The following GUCY2D variants were observed in gnomAD, a reference collection of about 807,000 sequenced individuals.
The protein encoded by GUCY2D is guanylate cyclase 2D, retinal.
In GUCY2D, 70 loss-of-function variants were observed where a neutral mutation model predicts 101.3. The ratio of observed to expected loss-of-function variants is 0.69; its 90% confidence interval spans 0.57 to 0.84. The LOEUF is 0.84. Among genes scored for constraint, GUCY2D ranks in the 40% least tolerant of loss-of-function variants. GUCY2D has a pLI of 0.00. For synonymous variants in GUCY2D, 688 were observed against 670.7 expected, an observed-to-expected ratio of 1.03 and a Z score of -0.40; for missense variants, 1,460 against 1,542.5, an observed-to-expected ratio of 0.95 and a Z score of 0.90.
intron 8 of GUCY2D, among the ~76,000 whole-genome samples, chr17:8,010,127 T>C (rs1038032663): frequency 6.6e-6 from 1 of 152,202 alleles, no homozygotes; most frequent in African/African-American, 2.4e-5. Context: ...CCTCTCTCGC[T>C]GGACTGTAAG....
chr17:8,009,360 C>G, intron 7 of GUCY2D, 146 bp from the exon 8 acceptor site: 1 of 749,784 alleles, frequency 1.3e-6, no homozygotes, highest in Non-Finnish European at 2.4e-6. Flanking sequence ...GGGCATACAT[C>G]AAACCCCTTG....
In GUCY2D at chr17:8,003,439, C is replaced by A. The variant is rs1346829806; in HGVS notation, c.392C>A (p.Ala131Glu). 7.9e-6 allele frequency: 12 copies of A among 1,517,106 alleles called. No individual in the cohort carries two copies. The highest frequency in any genetic ancestry group is 6.0e-5 in the Admixed American group (3 of 49,718). The allele number at this position is 1,517,106 out of a possible 1,614,324, so 94.0% of individuals were successfully genotyped here. A position where few individuals can be genotyped will look rare whatever the true frequency, so the allele number is the denominator to read the frequency against. The change falls in exon 2 of 20, where the codon GCG becomes GAG. Residue 131 changes from alanine (A) to glutamate (E), a missense_variant. By Grantham distance (107) the Ala-to-Glu change is moderately radical. Coordinates refer to ENST00000254854, the MANE Select transcript of GUCY2D (RefSeq NM_000180.4). Reference protein sequence around the residue: ...VSGLVGPVNPAACRPAELLAE... With the variant: ...VSGLVGPVNPEACRPAELLAE... Reference sequence around the variant, plus strand: ...GGCCTCGTGGGTCCGGTGAACCCTGCGGCCTGCCGGCCAGCCGAGCTGCTC... The same window carrying A: ...GGCCTCGTGGGTCCGGTGAACCCTGAGGCCTGCCGGCCAGCCGAGCTGCTC...
At position 8,015,625 on chromosome 17, in the gene GUCY2D, A is replaced by C. The variant is rs564461174; in HGVS notation, c.2945-118A>C. 361 of 1,182,440 alleles carry C rather than the reference A, an allele frequency of 3.1e-4. 1 individual carries two copies. The highest frequency in any genetic ancestry group is 4.1e-4 in the Non-Finnish European group (338 of 817,532). The allele number at this position is 1,182,440 out of a possible 1,614,324, so 73.2% of individuals were successfully genotyped here. A position where few individuals can be genotyped will look rare whatever the true frequency, so the allele number is the denominator to read the frequency against. On this transcript the variant is annotated intron_variant, in intron 15 of 19. Transcript: ENST00000254854. Reference sequence around the variant, plus strand: ...GGCTTACCTTGAAGAGGATGCACTTAACAAGGCTTATTTGGGGGGCTGGTG... The same window carrying C: ...GGCTTACCTTGAAGAGGATGCACTTCACAAGGCTTATTTGGGGGGCTGGTG...
intron 17 of GUCY2D, 91 bp downstream of exon 17, chr17:8,016,112 T>C (rs1345953072): frequency 7.4e-6 from 10 of 1,355,824 alleles, no homozygotes; most frequent in Non-Finnish European, 1.0e-5. Context: ...CAGCTCACCC[T>C]TCTGACCTGG....
At chr17:8,006,134 G>A (rs1350913477) in intron 3 of GUCY2D, among the ~76,000 whole-genome samples, 1 of 152,008 alleles carries the variant, frequency 6.6e-6, no homozygotes, top group Non-Finnish European at 1.5e-5. Context: ...CAGCCAATAG[G>A]AGAGGGAGGA....
chr17:8,016,495 A>C lies in GUCY2D; in HGVS notation c.3277A>C (p.Lys1093Gln). Residue 1093 changes from lysine to glutamine, a missense_variant, in exon 19 of 20, where the codon AAG (lysine) becomes CAG (glutamine). By Grantham distance (53) the Lys-to-Gln change is moderately conservative. Coordinates refer to ENST00000254854, the MANE Select transcript of GUCY2D (RefSeq NM_000180.4). ...LQEIPPERRR[K>Q]LEKARPGQFS ...GGAGATCCCACCCGAGCGGCGACGG[A>C]AGCTGGAGAAGGCGCGGCCGGGCCA... 6.3e-7 allele frequency: 1 copy of C among 1,581,442 alleles called. No homozygotes were observed. The highest frequency in any genetic ancestry group is 2.3e-5 in the East Asian group (1 of 43,590).
Position 8,014,077 on chromosome 17 carries a change from G to C in GUCY2D, c.2412+49G>C, listed in dbSNP as rs3891083. ...GACTGGGCTGGCCTCTGGGATCCCA[G>C]ATGCTTGTCAGCAACCTGAGACAGC... On this transcript the variant is annotated intron_variant, in intron 12 of 19. Coordinates refer to ENST00000254854, the MANE Select transcript of GUCY2D (RefSeq NM_000180.4). This position sits in a 1 kb window ranked among gnomAD's most constrained non-coding sequence, Gnocchi z 4.0. The C allele has an allele frequency of 6.4e-7, 1 of 1,557,230 alleles. No homozygotes were observed. Among genetic ancestry groups the C allele is most frequent in the South Asian group, 1.1e-5 (1 of 90,226 alleles).
At chr17:8,012,673 T>C in intron 10 of GUCY2D, 67 bp downstream of exon 10, 1 of 1,270,134 alleles carries the variant, frequency 7.9e-7, no homozygotes, top group Non-Finnish European at 1.1e-6. Flanking sequence ...TCTCCCCCGC[T>C]TCCTCCCTAC....
At chr17:8,017,044 C>G (rs959944441) in intron 19 of GUCY2D, among the ~76,000 whole-genome samples, 10 of 152,190 alleles carry the variant, frequency 6.6e-5, no homozygotes, top group African/African-American at 2.4e-4. Context: ...TCTGGAAGGT[C>G]CTTTTCCTGA....
In GUCY2D at chr17:8,007,983, G is replaced by T. The variant is rs372005126; in HGVS notation, c.1619G>T (p.Arg540Leu). ...GGTGCCCGCAGCATGTCAGACATTC[G>T]CAGCGGCCCCAGCCAACACTTGGAC... ...SLGARSMSDI[R>L]SGPSQHLDSP... Residue 540 changes from arginine (R) to leucine (L), a missense_variant, in exon 7 of 20, where the codon CGC (arginine) becomes CTC (leucine). By Grantham distance (102) the Arg-to-Leu change is moderately radical. Transcript: ENST00000254854. The T allele has an allele frequency of 1.2e-6, 2 of 1,613,728 alleles. No individual in the cohort carries two copies. The highest frequency in any genetic ancestry group is 1.7e-6 in the Non-Finnish European group (2 of 1,179,736).
rs767392013 is a variant in GUCY2D, at chr17:8,015,912, C to T, written c.3044-15C>T. The T allele has an allele frequency of 2.5e-6, 4 of 1,604,034 alleles. No homozygotes were observed. Among genetic ancestry groups the T allele is most frequent in the South Asian group, 1.1e-5 (1 of 89,820 alleles). ...GAGGTGAGTCCCGAGCTCACGGCGTCCCCCACCGCCACAGCTTACCGCATC... is the reference window on the plus strand; with the variant it reads ...GAGGTGAGTCCCGAGCTCACGGCGTTCCCCACCGCCACAGCTTACCGCATC... On this transcript the variant is annotated splice_polypyrimidine_tract_variant and intron_variant, in intron 16 of 19. Coordinates refer to ENST00000254854, the MANE Select transcript of GUCY2D (RefSeq NM_000180.4).
chr17:8,015,434 CCG>C lies in GUCY2D; in HGVS notation c.2877_2878del (p.Val960GlyfsTer10). On this transcript the variant is annotated frameshift_variant, in exon 15 of 20. Coordinates refer to ENST00000254854, the MANE Select transcript of GUCY2D (RefSeq NM_000180.4). LOFTEE classifies it high-confidence loss of function. ...AACATGTCACTGGACATCCTCAGTG[CCG>C]TGGGCACTTTCCGCATGCGCCATAT... 1 of 1,613,658 alleles carries C rather than the reference CCG, an allele frequency of 6.2e-7. No individual in the cohort carries two copies. Among genetic ancestry groups the C allele is most frequent in the South Asian group, 1.1e-5 (1 of 91,080 alleles).
At chr17:8,016,875 C>G in intron 19 of GUCY2D, 1 of 271,074 alleles carries the variant, frequency 3.7e-6, no homozygotes, top group East Asian at 8.1e-5. Flanking sequence ...AGAGACAACT[C>G]TAGGGGGCAG....
At chr17:8,009,118 C>T (rs1282004556) in intron 7 of GUCY2D, among the ~76,000 whole-genome samples, 1 of 152,170 alleles carries the variant, frequency 6.6e-6, no homozygotes, top group East Asian at 1.9e-4. Flanking sequence ...GTCTATAGTT[C>T]AGTTAGTTTT....
At chr17:8,018,794 A>G (rs887853277) in intron 19 of GUCY2D, among the ~76,000 whole-genome samples, 1 of 151,162 alleles carries the variant, frequency 6.6e-6, no homozygotes, top group Non-Finnish European at 1.5e-5. Flanking sequence ...ACTCCTTAGC[A>G]GGTATTAGGA....
In GUCY2D at chr17:8,003,875, G is replaced by A. The variant is rs1233349932; in HGVS notation, c.745G>A (p.Val249Met). 1 of 1,613,002 alleles carries A rather than the reference G, an allele frequency of 6.2e-7. No individual in the cohort carries two copies. The highest frequency in any genetic ancestry group is 1.3e-5 in the African/African-American group (1 of 74,928). The change falls in exon 3 of 20, where the codon GTG (valine) becomes ATG (methionine). Residue 249 changes from valine (V) to methionine (M), a missense_variant. Around this residue, in one of 3 missense-constraint regions of GUCY2D, gnomAD observed 1,196 missense variants for 1,229.6 expected, o/e 0.97. Transcript: ENST00000254854. Reference protein sequence around the residue: ...VTAVIMVMHSVLLGGEEQRYL... With the variant: ...VTAVIMVMHSMLLGGEEQRYL... ...AGCAGTGATCATGGTGATGCACTCG[G>A]TGCTGCTGGGTGGCGAGGAGCAGCG...
In GUCY2D at chr17:8,014,855, C is replaced by T. The variant is rs1278391694; in HGVS notation, c.2577-4C>T. 1 of 1,614,084 alleles carries T rather than the reference C, an allele frequency of 6.2e-7. No individual in the cohort carries two copies. The highest frequency in any genetic ancestry group is 1.3e-5 in the African/African-American group (1 of 75,014). ...CAGGTGACCTCACTGCCTGCCATCC[C>T]TAGGTCTGTGGCTGAGGCCTTGAAG... On this transcript the variant is annotated splice_region_variant and splice_polypyrimidine_tract_variant and intron_variant, in intron 13 of 19. Transcript: ENST00000254854. This position sits in a 1 kb window ranked among gnomAD's most constrained non-coding sequence, Gnocchi z 4.0.
chr17:8,006,675 C>G lies in GUCY2D; in HGVS notation c.1339C>G (p.Pro447Ala). The change falls in exon 4 of 20, where the codon CCC becomes GCC. Residue 447 changes from proline (P) to alanine (A), a missense_variant. By Grantham distance (27) the Pro-to-Ala change is conservative. Transcript: ENST00000254854. Reference protein sequence around the residue: ...PRGGSAPGPDPSCWFDPNNIC... With the variant: ...PRGGSAPGPDASCWFDPNNIC... The stretch of plus-strand genomic sequence containing the variant: ...TGGGGGATCAGCACCCGGACCTGAC[C>G]CCTCGTGCTGGTTCGATCCAAACAA... 1.9e-6 allele frequency: 3 copies of G among 1,611,628 alleles called. No homozygotes were observed. The highest frequency in any genetic ancestry group is 2.5e-6 in the Non-Finnish European group (3 of 1,178,936).
In GUCY2D at chr17:8,014,453, C is replaced by G. The variant is rs760126924; in HGVS notation, c.2413-148C>G. ...TCTGAAAACACAGTGCCCAGCACCC[C>G]GGGGTGCTTGATGAATAGTAGATGA... is the stretch of plus-strand genomic sequence containing the variant. On this transcript the variant is annotated intron_variant, in intron 12 of 19. Coordinates refer to ENST00000254854, the MANE Select transcript of GUCY2D (RefSeq NM_000180.4). The surrounding 1 kb of genome is among the most constrained non-coding windows in gnomAD (Gnocchi z 4.0). 1.3e-6 allele frequency: 1 copy of G among 777,858 alleles called. No individual in the cohort carries two copies. The highest frequency in any genetic ancestry group is 1.9e-5 in the Admixed American group (1 of 52,950). The allele number at this position is 777,858 out of a possible 1,614,324, so 48.2% of individuals were successfully genotyped here.
Sources: gnomAD v4.1 joint callset for allele counts (sites outside exome capture counted in the v4.1 genomes callset) on GRCh38, gnomAD v4.1.1 for gene constraint, gnomAD v4.1.1 regional missense constraint, Gnocchi (gnomAD v3.1) non-coding constraint, MANE v1.5 for transcripts, NCBI Gene and HGNC (gene_info 2026-07-23, HGNC 2026-07-21) for gene names.